CLYBL: variants seen among roughly 807,000 people sequenced by gnomAD.
The protein encoded by CLYBL is citramalyl-CoA lyase.
A neutral mutation model predicts 38.9 loss-of-function variants in CLYBL; 31 were observed. That is an observed-to-expected ratio of 0.80 (90% confidence interval 0.60 to 1.08). CLYBL has a LOEUF of 1.08. Among genes scored for constraint, CLYBL ranks in the 50% least tolerant of loss-of-function variants. The probability of loss-of-function intolerance (pLI) is 0.00; values close to 1 mark genes in which losing one functional copy is unlikely to be tolerated. For missense variants in CLYBL, 434 were observed against 411.6 expected (o/e 1.05, Z -0.47); for synonymous variants, 171 against 158.6 (o/e 1.08, Z -0.59).
chr13:99,797,591 T>TGTGTGTGTG (rs1566331106), intron 2 of CLYBL, among the ~76,000 whole-genome samples: 3 of 151,572 alleles, frequency 2.0e-5, no homozygotes, highest in Admixed American at 6.6e-5. Context: ...TGTGTGTGTG[T>TGTGTGTGTG]TTAAACAACA....
At chr13:99,643,103 A>G (rs1594098017) in intron 1 of CLYBL, 1 of 153,002 alleles carries the variant, frequency 6.5e-6, no homozygotes, top group South Asian at 2.1e-4. Context: ...TCCCTAACCC[A>G]GAATCTTTTG....
intron 2 of CLYBL, among the ~76,000 whole-genome samples, chr13:99,848,025 G>T (rs1183434981): frequency 1.3e-5 from 2 of 152,138 alleles, no homozygotes; most frequent in Admixed American, 6.5e-5. Context: ...AGCCTCATAT[G>T]TACAAATCAT....
intron 1 of CLYBL, among the ~76,000 whole-genome samples, chr13:99,668,705 G>C (rs1426682107): frequency 6.6e-6 from 1 of 152,136 alleles, no homozygotes; most frequent in African/African-American, 2.4e-5. Flanking sequence ...CCCCTCCCTG[G>C]GCATGAGGAT....
intron 2 of CLYBL, among the ~76,000 whole-genome samples, chr13:99,848,211 T>G (rs1215915149): frequency 1.3e-5 from 2 of 152,150 alleles, no homozygotes; most frequent in Non-Finnish European, 2.9e-5. Flanking sequence ...CGTCCCCTGC[T>G]TCTAAGTCCC....
At chr13:99,757,705 C>T (rs954782416) in intron 1 of CLYBL, among the ~76,000 whole-genome samples, 31 of 152,148 alleles carry the variant, frequency 2.0e-4, no homozygotes, top group African/African-American at 7.0e-4. Context: ...GTGATCCACC[C>T]GCCTCGGCCT....
At chr13:99,685,482 C>T (rs2047803165) in intron 1 of CLYBL, among the ~76,000 whole-genome samples, 1 of 152,140 alleles carries the variant, frequency 6.6e-6, no homozygotes, top group Admixed American at 6.5e-5. Context: ...ATGAACTTGA[C>T]TGACAAAGTT....
intron 1 of CLYBL, among the ~76,000 whole-genome samples, chr13:99,748,573 G>GGGA (rs1418539471): frequency 6.7e-6 from 1 of 150,306 alleles, no homozygotes; most frequent in Admixed American, 6.6e-5. Context: ...CTGAGTAGCT[G>GGGA]GGATTACAGG....
intron 2 of CLYBL, among the ~76,000 whole-genome samples, chr13:99,807,029 C>T (rs1411809646): frequency 3.3e-5 from 5 of 152,206 alleles, no homozygotes; most frequent in Non-Finnish European, 5.9e-5. Context: ...CCTAGTGCTT[C>T]CAGTTAGAGC....
Position 99,814,998 on chromosome 13 carries a change from C to G in CLYBL, c.249+41988C>G, listed in dbSNP as rs187425440. On this transcript the variant is annotated intron_variant, in intron 2 of 8. Transcript: ENST00000339105. ...GCCATGATCACACCACTACACTTAG[C>G]TTGGGCAACAGATTGAGACCCCATC... Among the ~76,000 whole-genome samples the G allele has an allele frequency of 2.2e-3, 338 of 152,244 alleles. 1 individual carries two copies. Among genetic ancestry groups the G allele is most frequent in the Non-Finnish European group, 3.4e-3 (233 of 68,018 alleles).
intron 1 of CLYBL, among the ~76,000 whole-genome samples, chr13:99,671,755 G>A (rs1410911956): frequency 2.7e-5 from 4 of 150,002 alleles, no homozygotes; most frequent in Non-Finnish European, 5.9e-5. Context: ...ACTCCAGCTT[G>A]GGTGACACAG....
chr13:99,872,870 G>C (rs1054645307), intron 7 of CLYBL, among the ~76,000 whole-genome samples: 5 of 152,002 alleles, frequency 3.3e-5, no homozygotes, highest in Admixed American at 1.3e-4. Flanking sequence ...CTTGAAAAGC[G>C]TTGTTCCCTG....
At chr13:99,887,666 T>C (rs1196453805) in intron 7 of CLYBL, among the ~76,000 whole-genome samples, 1 of 152,148 alleles carries the variant, frequency 6.6e-6, no homozygotes, top group Non-Finnish European at 1.5e-5. Context: ...GGCAGGAGGA[T>C]GGCCTGAGCC....
At chr13:99,797,555 G>GCT (rs1488097304) in intron 2 of CLYBL, among the ~76,000 whole-genome samples, 2 of 39,336 alleles carry the variant, frequency 5.1e-5, no homozygotes, top group East Asian at 1.3e-3. Flanking sequence ...TGCCATGTTA[G>GCT]CTGTTTGTGT....
intron 1 of CLYBL, among the ~76,000 whole-genome samples, chr13:99,735,270 T>C (rs924170500): frequency 1.3e-5 from 2 of 152,236 alleles, no homozygotes; most frequent in African/African-American, 2.4e-5. Context: ...CATAGCTCAC[T>C]GCAGACTCAA....
intron 1 of CLYBL, among the ~76,000 whole-genome samples, chr13:99,672,104 G>A (rs537955688): frequency 3.3e-5 from 5 of 152,008 alleles, no homozygotes; most frequent in South Asian, 2.1e-4. Flanking sequence ...ATTAGCTGTC[G>A]TCCCTCTTGT....
At chr13:99,733,438 C>T (rs1279819457) in intron 1 of CLYBL, among the ~76,000 whole-genome samples, 1 of 152,178 alleles carries the variant, frequency 6.6e-6, no homozygotes, top group Non-Finnish European at 1.5e-5. Context: ...AAAATTATTG[C>T]CTGAACTTCC....
At chr13:99,622,155 G>A (rs1415700646) in intron 1 of CLYBL, among the ~76,000 whole-genome samples, 1 of 152,210 alleles carries the variant, frequency 6.6e-6, no homozygotes, top group Non-Finnish European at 1.5e-5. Flanking sequence ...CCACTTAGAA[G>A]CACCCTTGTG....
At chr13:99,684,035 A>ATTTTTTT (rs778902077) in intron 1 of CLYBL, among the ~76,000 whole-genome samples, 28,139 of 85,664 alleles carry the variant, frequency 0.33, 5,896 homozygotes, top group South Asian at 0.45. Context: ...TGCCTGGCTA[A>ATTTTTTT]TTTTTTTTTT....
intron 1 of CLYBL, among the ~76,000 whole-genome samples, chr13:99,658,224 C>T (rs1271561363): frequency 6.6e-6 from 1 of 152,244 alleles, no homozygotes; most frequent in African/African-American, 2.4e-5. Flanking sequence ...CCCTCCTACC[C>T]TTTTTGGCAC....
Sources: allele counts gnomAD v4.1 joint callset (sites outside exome capture counted in the v4.1 genomes callset), GRCh38; gene constraint gnomAD v4.1.1; transcripts MANE v1.5; gene names NCBI Gene and HGNC (gene_info 2026-07-23, HGNC 2026-07-21).